Variants in PRKN observed in about 807,000 individuals in gnomAD.
PRKN encodes the protein parkin RBR E3 ubiquitin protein ligase.
A neutral mutation model predicts 59.5 loss-of-function variants in PRKN; 56 were observed. That is an observed-to-expected ratio of 0.94 (90% confidence interval 0.76 to 1.18). The LOEUF (loss-of-function observed/expected upper bound fraction) is 1.18, where lower values mean the gene tolerates loss of function less well. Among genes scored for constraint, PRKN ranks in the 50% most tolerant of loss-of-function variants. The pLI is 0.00. For missense variants in PRKN, 657 were observed against 596.4 expected (o/e 1.10, Z -1.06); for synonymous variants, 250 against 222.1 (o/e 1.13, Z -1.12).
intron 1 of PRKN, among the ~76,000 whole-genome samples, chr6:162,541,040 C>G (rs905362257): frequency 3.3e-5 from 5 of 152,100 alleles, no homozygotes; most frequent in Non-Finnish European, 5.9e-5. Flanking sequence ...ATTCAGAAAT[C>G]CTCACATCAA....
intron 9 of PRKN, among the ~76,000 whole-genome samples, chr6:161,534,084 C>A (rs1663476957): frequency 6.6e-6 from 1 of 152,072 alleles, no homozygotes; most frequent in South Asian, 2.1e-4. Flanking sequence ...CCATTGTCTG[C>A]AGGATGAAGT....
At chr6:162,260,284 G>A (rs1002834875) in intron 3 of PRKN, among the ~76,000 whole-genome samples, 1 of 152,134 alleles carries the variant, frequency 6.6e-6, no homozygotes, top group African/African-American at 2.4e-5. Flanking sequence ...ACTCAGACAT[G>A]AGTGGAAAGT....
In PRKN at chr6:162,068,759, A is replaced by G. The variant is rs1256123821; in HGVS notation, c.535-14585T>C. On this transcript the variant is annotated intron_variant, in intron 4 of 11. Transcript: ENST00000366898. ...TAATTGGCACGGTCAGGGAAATCAA[A>G]TCACTTTTGCTGTATTTTCTTGGTT... is the stretch of plus-strand genomic sequence containing the variant. 5.0e-5 allele frequency among the ~76,000 whole-genome samples: 7 copies of G among 139,050 alleles called. No homozygotes were observed. In the Admixed American group the frequency reaches 5.7e-4, roughly 11 times the overall value. The allele number at this position is 139,050 out of a possible 152,430, so 91.2% of individuals were successfully genotyped here. A position where few individuals can be genotyped will look rare whatever the true frequency, so the allele number is the denominator to read the frequency against.
rs112743127 is a variant in PRKN at position 162,459,423 on chromosome 6, T to G, written c.8-15950A>C. Reference sequence around the variant, plus strand: ...ATTATTAATTAATATTTAATGAAATTGTCAGTTAGATGGTCAGTAAAAGGA... The same window carrying G: ...ATTATTAATTAATATTTAATGAAATGGTCAGTTAGATGGTCAGTAAAAGGA... On this transcript the variant is annotated intron_variant, in intron 1 of 11. Transcript: ENST00000366898. 3.4e-3 allele frequency among the ~76,000 whole-genome samples: 518 copies of G among 152,264 alleles called. 4 individuals are homozygous for G. Among genetic ancestry groups the G allele is most frequent in the African/African-American group, 0.012 (496 of 41,540 alleles).
At chr6:161,641,648 C>A (rs1270835956) in intron 7 of PRKN, among the ~76,000 whole-genome samples, 1 of 152,168 alleles carries the variant, frequency 6.6e-6, no homozygotes, top group African/African-American at 2.4e-5. Flanking sequence ...CTTGATAAAT[C>A]GGCTCTGTCT....
intron 10 of PRKN, among the ~76,000 whole-genome samples, chr6:161,364,814 C>T (rs9456664): frequency 0.27 from 40,687 of 151,554 alleles, 5,792 homozygotes; most frequent in Middle Eastern, 0.38. Flanking sequence ...GTGTGGTGCC[C>T]ACACTACTCG....
intron 7 of PRKN, among the ~76,000 whole-genome samples, chr6:161,657,342 T>G (rs61400089): frequency 1.3e-5 from 2 of 152,124 alleles, no homozygotes; most frequent in African/African-American, 2.4e-5. Flanking sequence ...CATAATTAGT[T>G]TTTTAAAGGC....
At chr6:162,468,336 G>A (rs1791538845) in intron 1 of PRKN, among the ~76,000 whole-genome samples, 1 of 152,164 alleles carries the variant, frequency 6.6e-6, no homozygotes, top group African/African-American at 2.4e-5. Context: ...GTGGCACCCA[G>A]AAAGATCTTT....
At chr6:162,630,364 T>G (rs1783060419) in intron 1 of PRKN, among the ~76,000 whole-genome samples, 1 of 152,144 alleles carries the variant, frequency 6.6e-6, no homozygotes, top group Non-Finnish European at 1.5e-5. Context: ...TTTCCCAGGC[T>G]GCCCAAACTG....
chr6:161,447,929 G>A lies in PRKN; in HGVS notation c.1084-61052C>T, dbSNP rs530426273. On this transcript the variant is annotated intron_variant, in intron 9 of 11. Coordinates refer to ENST00000366898, the MANE Select transcript of PRKN (RefSeq NM_004562.3). This position sits in a 1 kb window ranked among gnomAD's most constrained non-coding sequence, Gnocchi z 4.1. The stretch of plus-strand genomic sequence containing the variant: ...GAGAGCAGGCTGTTTTTTCTCTCTG[G>A]TGCGTGACCACTGCTTCCTGATTTT... 1.3e-5 allele frequency among the ~76,000 whole-genome samples: 2 copies of A among 152,280 alleles called. No homozygotes were observed. The highest frequency in any genetic ancestry group is 3.9e-4 in the East Asian group (2 of 5,178).
intron 5 of PRKN, among the ~76,000 whole-genome samples, chr6:161,999,888 C>A (rs996590345): frequency 1.3e-5 from 2 of 151,978 alleles, no homozygotes; most frequent in African/African-American, 4.8e-5. Context: ...GAGTTACTAG[C>A]AACTTGAAAA....
chr6:161,977,457 C>G (rs539291373), intron 5 of PRKN, among the ~76,000 whole-genome samples: 5 of 150,544 alleles, frequency 3.3e-5, no homozygotes, highest in Admixed American at 1.3e-4. Flanking sequence ...TGAAGGGAAA[C>G]ATTGTCTTTA....
chr6:162,296,936 A>T (rs1781701255), intron 2 of PRKN, among the ~76,000 whole-genome samples: 1 of 152,072 alleles, frequency 6.6e-6, no homozygotes, highest in African/African-American at 2.4e-5. Context: ...AATCTGAAAA[A>T]TAAAGTACAT....
intron 7 of PRKN, among the ~76,000 whole-genome samples, chr6:161,601,907 T>A (rs1782121950): frequency 6.6e-6 from 1 of 152,204 alleles, no homozygotes; most frequent in Non-Finnish European, 1.5e-5. Context: ...GTCATCATTA[T>A]TTAAGACACA....
intron 1 of PRKN, among the ~76,000 whole-genome samples, chr6:162,534,843 G>A (rs777942051): frequency 1.7e-4 from 26 of 152,214 alleles, no homozygotes; most frequent in African/African-American, 1.2e-4. Flanking sequence ...TCCCAAATGA[G>A]GACAGAGAGC....
At chr6:161,602,735 G>A (rs917549859) in intron 7 of PRKN, among the ~76,000 whole-genome samples, 22 of 152,280 alleles carry the variant, frequency 1.4e-4, no homozygotes, top group African/African-American at 5.3e-4. Context: ...ATTTAGATCT[G>A]CATTTCAGAG....
At chr6:161,613,702 C>T (rs751235859) in intron 7 of PRKN, among the ~76,000 whole-genome samples, 18 of 152,170 alleles carry the variant, frequency 1.2e-4, no homozygotes, top group Non-Finnish European at 1.9e-4. Context: ...AAGACCCTCT[C>T]CCAGCAAAAA....
At chr6:162,136,706 T>C (rs1018266561) in intron 4 of PRKN, among the ~76,000 whole-genome samples, 3 of 152,202 alleles carry the variant, frequency 2.0e-5, no homozygotes, top group African/African-American at 7.2e-5. Flanking sequence ...ATCAGCTGAA[T>C]TGCTGATTTT....
intron 6 of PRKN, among the ~76,000 whole-genome samples, chr6:161,843,204 T>C (rs1011742443): frequency 6.6e-6 from 1 of 152,184 alleles, no homozygotes; most frequent in Admixed American, 6.5e-5. Flanking sequence ...ATTATTATCC[T>C]GAAGCCGGGT....
Sources: allele counts gnomAD v4.1 joint callset (sites outside exome capture counted in the v4.1 genomes callset), GRCh38; gene constraint gnomAD v4.1.1; non-coding constraint Gnocchi (gnomAD v3.1); transcripts MANE v1.5; gene names NCBI Gene and HGNC (gene_info 2026-07-23, HGNC 2026-07-21).